Variants in BROX observed in about 807,000 individuals in gnomAD.
BROX encodes the protein BRO1 domain-containing protein BROX.
Under a neutral mutation model 61.0 loss-of-function variants are expected in BROX, and 53 were observed. The observed-to-expected ratio is 0.87, with a 90% CI of 0.70 to 1.09. The LOEUF is 1.09. Among genes scored for constraint, BROX ranks in the 50% least tolerant of loss-of-function variants. BROX has a pLI of 0.00. For missense variants in BROX, 489 were observed against 472.0 expected, an observed-to-expected ratio of 1.04 and a Z score of -0.33; for synonymous variants, 152 against 160.2, an observed-to-expected ratio of 0.95 and a Z score of 0.38.
chr1:222,713,395 A>C, intron 1 of BROX: 2 of 984,924 alleles, frequency 2.0e-6, no homozygotes, highest in Non-Finnish European at 2.4e-6. Context: ...GTGGGCGCTC[A>C]GAGCTCGGGG....
At chr1:222,728,696 G>A (rs761386642) in intron 8 of BROX, 47 bp from the exon 9 acceptor site, 2 of 1,289,570 alleles carry the variant, frequency 1.6e-6, no homozygotes, top group Admixed American at 1.7e-5. Context: ...AAGTCTTCTA[G>A]TGAATCAGGG....
At chr1:222,713,296 A>C (rs1656210835) in intron 1 of BROX, 2 of 985,786 alleles carry the variant, frequency 2.0e-6, no homozygotes, top group African/African-American at 1.7e-5. Context: ...AAAGAGGGGA[A>C]CTCAAGTGTT....
chr1:222,717,270 A>T (rs1034557231), intron 2 of BROX, among the ~76,000 whole-genome samples: 5 of 152,206 alleles, frequency 3.3e-5, no homozygotes, highest in African/African-American at 1.2e-4. Flanking sequence ...TATAGTTTGT[A>T]GTTTGTCAAG....
Position 222,724,115 on chromosome 1 carries a change from A to T in BROX, c.425A>T (p.Glu142Val), listed in dbSNP as rs1183592126. 7 of 1,610,986 alleles carry T rather than the reference A, an allele frequency of 4.3e-6. No homozygotes were observed. The highest frequency in any genetic ancestry group is 5.9e-6 in the Non-Finnish European group (7 of 1,178,778). ...KENITEDEAK[E>V]VHRSLKIAAG... ...AGTATAACAGAAGATGAAGCAAAAG[A>T]AGTTCATCGAAGCCTAAAGATTGCA... Residue 142 changes from glutamate (E) to valine (V), a missense_variant, in exon 6 of 13, where the codon GAA becomes GTA. Coordinates refer to ENST00000340934, the MANE Select transcript of BROX (RefSeq NM_144695.4).
Position 222,722,012 on chromosome 1 carries a change from C to T in BROX, c.306-407C>T, listed in dbSNP as rs527922917. ...ATTATTCTAGCCTGAAACAATCTCT[C>T]CTCTGAATTTGATTTTTCTAAAATG... is the stretch of plus-strand genomic sequence containing the variant. On this transcript the variant is annotated intron_variant, in intron 4 of 12. Transcript: ENST00000340934. Among the ~76,000 whole-genome samples, 14 of 152,234 alleles carry T rather than the reference C, an allele frequency of 9.2e-5. No individual in the cohort carries two copies. The East Asian group carries it at 2.3e-3, about 25-fold the overall frequency.
At chr1:222,728,463 C>T (rs374126008) in intron 8 of BROX, among the ~76,000 whole-genome samples, 2 of 151,962 alleles carry the variant, frequency 1.3e-5, no homozygotes, top group East Asian at 3.9e-4. Context: ...ACAGTATTCA[C>T]CTTGAAGTTC....
At chr1:222,721,063 T>G (rs1280187451) in intron 4 of BROX, among the ~76,000 whole-genome samples, 1 of 152,190 alleles carries the variant, frequency 6.6e-6, no homozygotes, top group Non-Finnish European at 1.5e-5. Context: ...AGAAATGGAG[T>G]GTTTGGAAAC....
Position 222,731,345 on chromosome 1 carries a change from T to C in BROX, c.990-12T>C. The C allele has an allele frequency of 6.4e-7, 1 of 1,555,500 alleles. No homozygotes were observed. Among genetic ancestry groups the C allele is most frequent in the Non-Finnish European group, 8.6e-7 (1 of 1,160,258 alleles). On this transcript the variant is annotated splice_polypyrimidine_tract_variant and intron_variant, in intron 11 of 12. Transcript: ENST00000340934. ...CAAATGAATGAATTGCTATTTAAAT[T>C]ATTTTTTGCAGTTACTTTCAAAAAA... is the stretch of plus-strand genomic sequence containing the variant.
At chr1:222,713,014 A>C (rs1300881296) in intron 1 of BROX, 72 bp downstream of exon 1, 2 of 1,166,428 alleles carry the variant, frequency 1.7e-6, no homozygotes, top group African/African-American at 1.6e-5. Flanking sequence ...AAGCAATAGG[A>C]TCACCCCCTT....
chr1:222,729,270 G>A (rs1657755614), intron 9 of BROX, among the ~76,000 whole-genome samples: 1 of 152,122 alleles, frequency 6.6e-6, no homozygotes. Flanking sequence ...AATATCATAT[G>A]AGAGATCATC....
At chr1:222,713,221 C>T (rs1421255875) in intron 1 of BROX, 2 of 986,066 alleles carry the variant, frequency 2.0e-6, no homozygotes, top group Non-Finnish European at 1.2e-6. Context: ...GGGGTTCGTT[C>T]GGCCGTTGTC....
chr1:222,731,226 C>G (rs1657910828), intron 11 of BROX, 131 bp from the exon 12 acceptor site: 4 of 738,100 alleles, frequency 5.4e-6, no homozygotes, highest in Non-Finnish European at 8.1e-6. Context: ...GACTTTTTCA[C>G]TTTCCTACAT....
intron 8 of BROX, among the ~76,000 whole-genome samples, chr1:222,728,467 G>A (rs1657678628): frequency 6.6e-6 from 1 of 152,016 alleles, no homozygotes; most frequent in South Asian, 2.1e-4. Context: ...TATTCACCTT[G>A]AAGTTCTTGG....
chr1:222,731,462 G>A lies in BROX; in HGVS notation c.1095G>A (p.Trp365Ter). ...PFEFPPTSVQ[W>*]TPETLAAFDL... ...AATTTCCTCCTACAAGTGTTCAGTG[G>A]ACACCAGAAACATTGGCTGCATTTG... Residue 365 changes from tryptophan (W) to a stop codon, truncating the protein, a stop_gained, in exon 12 of 13, where the codon TGG (tryptophan) becomes TGA (stop). Coordinates refer to ENST00000340934, the MANE Select transcript of BROX (RefSeq NM_144695.4). LOFTEE classifies it high-confidence loss of function. 6.2e-7 allele frequency: 1 copy of A among 1,603,152 alleles called. No homozygotes were observed. Among genetic ancestry groups the A allele is most frequent in the Non-Finnish European group, 8.5e-7 (1 of 1,177,086 alleles).
At chr1:222,727,347 A>G in intron 8 of BROX, 90 bp downstream of exon 8, 1 of 921,814 alleles carries the variant, frequency 1.1e-6, no homozygotes, top group East Asian at 2.5e-5. Context: ...AAGGGTTCTC[A>G]GATTCTGTCA....
intron 5 of BROX, 92 bp downstream of exon 5, chr1:222,722,606 C>A (rs1657181982): frequency 6.6e-6 from 6 of 904,080 alleles, no homozygotes; most frequent in African/African-American, 5.1e-5. Flanking sequence ...AAAAGTACCA[C>A]TTTGGATGTT....
chr1:222,713,092 G>A (rs1656187119), intron 1 of BROX, 150 bp downstream of exon 1: 2 of 1,019,876 alleles, frequency 2.0e-6, no homozygotes, highest in Non-Finnish European at 2.4e-6. Context: ...TGAAACAAAC[G>A]ACAGAAAGAA....
At chr1:222,725,018 C>T (rs1195652647) in intron 6 of BROX, among the ~76,000 whole-genome samples, 2 of 152,134 alleles carry the variant, frequency 1.3e-5, no homozygotes, top group Non-Finnish European at 1.5e-5. Context: ...TGGTCTCAAA[C>T]TCCTGACCTC....
At chr1:222,722,270 T>C (rs1657156915) in intron 4 of BROX, 149 bp from the exon 5 acceptor site, 5 of 675,764 alleles carry the variant, frequency 7.4e-6, no homozygotes, top group Non-Finnish European at 1.3e-5. Context: ...GTACATCTTA[T>C]CTCCCCATCT....
Sources: gnomAD v4.1 joint callset for allele counts (sites outside exome capture counted in the v4.1 genomes callset) on GRCh38, gnomAD v4.1.1 for gene constraint, MANE v1.5 for transcripts, NCBI Gene and HGNC (gene_info 2026-07-23, HGNC 2026-07-21) for gene names.